LUZP2: variants seen among roughly 807,000 people sequenced by gnomAD.
The protein encoded by LUZP2 is leucine zipper protein 2.
Under a neutral mutation model 51.6 loss-of-function variants are expected in LUZP2, and 52 were observed. The ratio of observed to expected loss-of-function variants is 1.01; its 90% CI spans 0.81 to 1.27. The LOEUF (loss-of-function observed/expected upper bound fraction) is 1.27. Among genes scored for constraint, LUZP2 ranks in the 50% most tolerant of loss-of-function variants. The pLI is 0.00. For missense variants in LUZP2, 436 were observed against 395.4 expected (o/e 1.10, Z -0.87); for synonymous variants, 154 against 137.3 (o/e 1.12, Z -0.85).
chr11:24,931,167 C>T (rs552416506), intron 7 of LUZP2, among the ~76,000 whole-genome samples: 105 of 151,544 alleles, frequency 6.9e-4, no homozygotes, highest in African/African-American at 1.7e-3. Context: ...GCCGAGATCA[C>T]GCCACTGCAC....
intron 1 of LUZP2, among the ~76,000 whole-genome samples, chr11:24,541,043 A>C (rs971350872): frequency 1.3e-5 from 2 of 152,094 alleles, no homozygotes; most frequent in African/African-American, 4.8e-5. Context: ...ACCTGAGGCC[A>C]GGAGTTCAAG....
At chr11:24,691,230 G>A (rs889893615) in intron 1 of LUZP2, among the ~76,000 whole-genome samples, 3 of 151,856 alleles carry the variant, frequency 2.0e-5, no homozygotes, top group Non-Finnish European at 4.4e-5. Context: ...GGAAATCTCA[G>A]TCAAAATTGT....
chr11:25,057,757 T>C (rs2134034205), intron 10 of LUZP2, among the ~76,000 whole-genome samples: 1 of 152,112 alleles, frequency 6.6e-6, no homozygotes, highest in South Asian at 2.1e-4. Context: ...CCGGGAGCAC[T>C]AGCTCAATTT....
chr11:24,948,859 CTATCTAT>C (rs1275066891), intron 7 of LUZP2, among the ~76,000 whole-genome samples: 8 of 150,678 alleles, frequency 5.3e-5, no homozygotes, highest in African/African-American at 1.7e-4. Context: ...ATCTATCTAT[CTATCTAT>C]CTACCTATCC....
intron 1 of LUZP2, among the ~76,000 whole-genome samples, chr11:24,503,715 A>G (rs1413632136): frequency 6.6e-6 from 1 of 152,202 alleles, no homozygotes. Context: ...AAGGTCGTAA[A>G]GGGAAACAAA....
At chr11:24,612,157 T>G (rs1854144417) in intron 1 of LUZP2, among the ~76,000 whole-genome samples, 1 of 152,124 alleles carries the variant, frequency 6.6e-6, no homozygotes, top group African/African-American at 2.4e-5. Flanking sequence ...TTGACAGATG[T>G]AATGATCATT....
chr11:24,619,753 T>G (rs1464753372), intron 1 of LUZP2, among the ~76,000 whole-genome samples: 1 of 152,166 alleles, frequency 6.6e-6, no homozygotes, highest in Non-Finnish European at 1.5e-5. Context: ...CTAGATTACA[T>G]AATACCTAAT....
intron 9 of LUZP2, among the ~76,000 whole-genome samples, chr11:24,983,574 A>G (rs1457548469): frequency 6.6e-6 from 1 of 151,760 alleles, no homozygotes; most frequent in East Asian, 1.9e-4. Flanking sequence ...GAATAAGTTA[A>G]AAGAGAATAT....
chr11:24,817,298 C>T (rs7120732), intron 5 of LUZP2, among the ~76,000 whole-genome samples: 6,965 of 151,964 alleles, frequency 0.046, 259 homozygotes, highest in East Asian at 0.12. Context: ...ATTTCGGACC[C>T]GGTGCTAGAG....
intron 9 of LUZP2, among the ~76,000 whole-genome samples, chr11:25,005,648 G>T (rs189767650): frequency 6.6e-6 from 1 of 152,042 alleles, no homozygotes; most frequent in South Asian, 2.1e-4. Flanking sequence ...CCAAGAACCC[G>T]CAATGGTCCC....
intron 9 of LUZP2, among the ~76,000 whole-genome samples, chr11:25,044,913 A>C (rs12294951): frequency 0.48 from 72,250 of 151,468 alleles, 17,506 homozygotes; most frequent in Non-Finnish European, 0.51. Context: ...TTTGTAGGGA[A>C]ATGGATGAAA....
intron 5 of LUZP2, among the ~76,000 whole-genome samples, chr11:24,832,455 T>TA (rs911026674): frequency 1.1e-4 from 16 of 151,900 alleles, no homozygotes; most frequent in Middle Eastern, 3.4e-3. Context: ...TGTTTTATTT[T>TA]AAAAAAAGTT....
In LUZP2 at chr11:25,074,883, C is replaced by G. The variant is rs187321572; in HGVS notation, c.859-2446C>G. ...TATTGTATAAGATTTCTGAGAAGAA[C>G]TACAATAAATACAACTGTTTAATGT... On this transcript the variant is annotated intron_variant, in intron 10 of 11. Transcript: ENST00000336930. 2.3e-3 allele frequency among the ~76,000 whole-genome samples: 346 copies of G among 152,146 alleles called. 2 individuals are homozygous for G. The highest frequency in any genetic ancestry group is 8.0e-3 in the African/African-American group (334 of 41,540).
At chr11:24,510,566 C>A (rs942859369) in intron 1 of LUZP2, among the ~76,000 whole-genome samples, 1 of 152,174 alleles carries the variant, frequency 6.6e-6, no homozygotes, top group Non-Finnish European at 1.5e-5. Flanking sequence ...CTGGCTGGTT[C>A]TCCATGGCCA....
intron 9 of LUZP2, among the ~76,000 whole-genome samples, chr11:25,017,534 T>C (rs532500197): frequency 6.6e-6 from 1 of 152,330 alleles, no homozygotes; most frequent in East Asian, 1.9e-4. Flanking sequence ...CCCCAGTTTG[T>C]TTTCATATGC....
intron 1 of LUZP2, among the ~76,000 whole-genome samples, chr11:24,717,490 C>T (rs1327252554): frequency 1.3e-5 from 2 of 150,888 alleles, no homozygotes; most frequent in Admixed American, 1.3e-4. Flanking sequence ...TCACTGCAAG[C>T]TCCGACCCCC....
chr11:24,516,733 T>C (rs11027970), intron 1 of LUZP2, among the ~76,000 whole-genome samples: 25,568 of 152,178 alleles, frequency 0.17, 3,154 homozygotes, highest in African/African-American at 0.35. Flanking sequence ...TAGTCATTTG[T>C]AATATTTTAC....
chr11:24,620,241 T>C (rs1176862205), intron 1 of LUZP2, among the ~76,000 whole-genome samples: 12 of 149,000 alleles, frequency 8.1e-5, no homozygotes, highest in Admixed American at 8.0e-4. Flanking sequence ...GGGAATAATA[T>C]TTTACAGATT....
chr11:24,696,770 G>T (rs1417556615), intron 1 of LUZP2, among the ~76,000 whole-genome samples: 3 of 151,834 alleles, frequency 2.0e-5, no homozygotes, highest in African/African-American at 7.2e-5. Context: ...ATACAGTTTA[G>T]ATTATAAGAA....
Sources: gnomAD v4.1 joint callset for allele counts (sites outside exome capture counted in the v4.1 genomes callset) on GRCh38, gnomAD v4.1.1 for gene constraint, MANE v1.5 for transcripts, NCBI Gene and HGNC (gene_info 2026-07-23, HGNC 2026-07-21) for gene names.